The following RARB variants were observed in gnomAD, a reference collection of about 807,000 sequenced individuals.
The protein encoded by RARB is HBV-activated protein.
In RARB, 17 loss-of-function variants were observed where a neutral mutation model predicts 51.9. That is an observed-to-expected ratio of 0.33 (90% confidence interval 0.22 to 0.49). The LOEUF (loss-of-function observed/expected upper bound fraction) is 0.49. RARB is among the 20% of genes least tolerant of loss of function. RARB has a pLI of 0.99. For synonymous variants in RARB, 215 were observed against 195.4 expected (o/e 1.10, Z -0.84); for missense variants, 369 against 550.8 (o/e 0.67, Z 3.30).
chr3:25,428,897 A>T lies in RARB; in HGVS notation c.157+9A>T. ...TCGGCACACTGCTCAATGTAGGTTT[A>T]TTTTTTTCCCTTCTTCTACCAAGAA... On this transcript the variant is annotated intron_variant, in intron 1 of 7. Transcript: ENST00000330688. The T allele has an allele frequency of 1.3e-6, 2 of 1,583,126 alleles. No individual in the cohort carries two copies. The highest frequency in any genetic ancestry group is 8.6e-7 in the Non-Finnish European group (1 of 1,159,980).
At chr3:25,078,491 T>G (rs1465789853) in intron 3 of RARB, among the ~76,000 whole-genome samples, 1 of 152,052 alleles carries the variant, frequency 6.6e-6, no homozygotes, top group Non-Finnish European at 1.5e-5. Context: ...TGCAATGACT[T>G]GGTAACTGTA....
At chr3:25,385,933 G>C (rs1383807126) in intron 5 of RARB, among the ~76,000 whole-genome samples, 1 of 152,146 alleles carries the variant, frequency 6.6e-6, no homozygotes, top group Non-Finnish European at 1.5e-5. Flanking sequence ...AGAATCCAGA[G>C]ATCTGGGAGG....
chr3:24,895,983 G>A (rs891614965), intron 2 of RARB, among the ~76,000 whole-genome samples: 2 of 152,140 alleles, frequency 1.3e-5, no homozygotes, highest in African/African-American at 4.8e-5. Flanking sequence ...AAGATGAATG[G>A]ATGAACAAAT....
At chr3:25,231,918 C>G (rs1256733183) in intron 5 of RARB, among the ~76,000 whole-genome samples, 2 of 151,910 alleles carry the variant, frequency 1.3e-5, no homozygotes, top group Non-Finnish European at 2.9e-5. Flanking sequence ...TTTGATGAAA[C>G]TCAATATATT....
At chr3:24,895,666 C>T (rs1036066574) in intron 2 of RARB, among the ~76,000 whole-genome samples, 1 of 148,996 alleles carries the variant, frequency 6.7e-6, no homozygotes, top group Non-Finnish European at 1.5e-5. Flanking sequence ...CAGGCTGGGT[C>T]TTTAAAAAGA....
At chr3:24,889,675 A>AGTGTGTGTGT (rs71057686) in intron 2 of RARB, among the ~76,000 whole-genome samples, 24,752 of 142,678 alleles carry the variant, frequency 0.17, 2,327 homozygotes, top group Admixed American at 0.25. Flanking sequence ...CACCTCTTAA[A>AGTGTGTGTGT]GTGTGTGTGT....
intron 5 of RARB, among the ~76,000 whole-genome samples, chr3:25,308,900 CTACCAA>C (rs1413042493): frequency 6.6e-6 from 1 of 152,146 alleles, no homozygotes; most frequent in Non-Finnish European, 1.5e-5. Flanking sequence ...AGATGTGGTT[CTACCAA>C]TGTGGAGTTA....
At chr3:25,544,921 G>A (rs776661623) in intron 3 of RARB, among the ~76,000 whole-genome samples, 2 of 152,088 alleles carry the variant, frequency 1.3e-5, no homozygotes, top group African/African-American at 2.4e-5. Context: ...TAAGAAATCA[G>A]GGATTTTATT....
At chr3:25,387,503 C>T (rs1431528008) in intron 5 of RARB, among the ~76,000 whole-genome samples, 1 of 152,074 alleles carries the variant, frequency 6.6e-6, no homozygotes. Flanking sequence ...GCAATCATTC[C>T]TTCTGTTTTT....
chr3:25,483,396 GATGATA>G (rs1377409555), intron 2 of RARB, among the ~76,000 whole-genome samples: 1 of 152,184 alleles, frequency 6.6e-6, no homozygotes, highest in African/African-American at 2.4e-5. Context: ...GAGGATGTCA[GATGATA>G]ATGAGAGAGA....
intron 5 of RARB, among the ~76,000 whole-genome samples, chr3:25,256,549 C>T (rs943067125): frequency 2.6e-5 from 4 of 152,028 alleles, no homozygotes; most frequent in Non-Finnish European, 4.4e-5. Context: ...CTTATGAAAA[C>T]AAAACCCTGT....
chr3:24,904,546 G>T (rs1026574823), intron 2 of RARB, among the ~76,000 whole-genome samples: 1 of 152,158 alleles, frequency 6.6e-6, no homozygotes, highest in African/African-American at 2.4e-5. Flanking sequence ...AAATAGGAAA[G>T]CTTTTACACT....
chr3:25,142,502 A>G (rs1287084304), intron 4 of RARB, among the ~76,000 whole-genome samples: 2 of 152,168 alleles, frequency 1.3e-5, no homozygotes, highest in Non-Finnish European at 2.9e-5. Context: ...GATCTTTCAT[A>G]ATAATACTTT....
intron 2 of RARB, among the ~76,000 whole-genome samples, chr3:24,877,250 A>G (rs1211841365): frequency 1.3e-5 from 2 of 151,964 alleles, no homozygotes; most frequent in Non-Finnish European, 2.9e-5. Flanking sequence ...AGTTCTGAAA[A>G]AGAGGATAAA....
In RARB at chr3:25,596,591, T is replaced by TCAGTCAGTCACCACTCGTG. The variant is rs1340739573; in HGVS notation, c.1325_1343dup (p.Ter449SerfsTer44). The TCAGTCAGTCACCACTCGTG allele has an allele frequency of 6.2e-7, 1 of 1,609,074 alleles. No homozygotes were observed. Among genetic ancestry groups the TCAGTCAGTCACCACTCGTG allele is most frequent in the South Asian group, 1.1e-5 (1 of 90,522 alleles). ...CCCAGCTCAGTGGAAAACAGTGGGG[T>TCAGTCAGTCACCACTCGTG]CAGTCAGTCACCACTCGTGCAATAA... is the stretch of plus-strand genomic sequence containing the variant. On this transcript the variant is annotated frameshift_variant, in exon 8 of 8. Transcript: ENST00000330688. LOFTEE classifies it high-confidence loss of function.
At chr3:25,319,331 G>A (rs1704505965) in intron 5 of RARB, among the ~76,000 whole-genome samples, 1 of 152,164 alleles carries the variant, frequency 6.6e-6, no homozygotes, top group Admixed American at 6.5e-5. Context: ...CCTTGTGGGA[G>A]TATCTTAATA....
intron 5 of RARB, among the ~76,000 whole-genome samples, chr3:25,349,867 G>A (rs1191100235): frequency 6.6e-6 from 1 of 152,072 alleles, no homozygotes; most frequent in Non-Finnish European, 1.5e-5. Context: ...ACTCTGCTCT[G>A]TGTAGGGTCA....
chr3:25,408,992 C>T (rs1377423021), intron 5 of RARB, among the ~76,000 whole-genome samples: 1 of 152,160 alleles, frequency 6.6e-6, no homozygotes, highest in Non-Finnish European at 1.5e-5. Flanking sequence ...CGAGATTGCG[C>T]CACTGCACTC....
At chr3:25,125,698 C>G (rs1395623386) in intron 3 of RARB, among the ~76,000 whole-genome samples, 1 of 152,236 alleles carries the variant, frequency 6.6e-6, no homozygotes, top group East Asian at 1.9e-4. Flanking sequence ...TTAAAATTGT[C>G]AATGTGGAAA....
Sources: allele counts gnomAD v4.1 joint callset (sites outside exome capture counted in the v4.1 genomes callset), GRCh38; gene constraint gnomAD v4.1.1; transcripts MANE v1.5; gene names NCBI Gene and HGNC (gene_info 2026-07-23, HGNC 2026-07-21).